Variants in PPP3R1 observed in about 807,000 individuals in gnomAD.
PPP3R1 encodes the protein calcineurin subunit B type 1.
In PPP3R1, 5 loss-of-function variants were observed where a neutral mutation model predicts 22.6. The ratio of observed to expected loss-of-function variants is 0.22; its 90% CI spans 0.12 to 0.46. The LOEUF (loss-of-function observed/expected upper bound fraction) is 0.46. Ranked by LOEUF, PPP3R1 falls within the 20% of genes least tolerant of loss-of-function variation. PPP3R1 has a pLI of 0.99. For missense variants in PPP3R1, 61 were observed against 203.2 expected (o/e 0.30, Z 4.25); for synonymous variants, 56 against 65.2 (o/e 0.86, Z 0.68).
intron 1 of PPP3R1, among the ~76,000 whole-genome samples, chr2:68,225,928 A>C (rs1390377891): frequency 1.3e-5 from 2 of 152,210 alleles, no homozygotes; most frequent in East Asian, 3.8e-4. Flanking sequence ...ACCAATCTGG[A>C]AACAACCTAA....
At chr2:68,242,184 T>C (rs1458530362) in intron 1 of PPP3R1, among the ~76,000 whole-genome samples, 1 of 151,872 alleles carries the variant, frequency 6.6e-6, no homozygotes, top group South Asian at 2.1e-4. Flanking sequence ...ATACCAGCAA[T>C]TTGGGAGGCT....
At chr2:68,212,889 G>A (rs780367619) in intron 2 of PPP3R1, among the ~76,000 whole-genome samples, 1 of 152,226 alleles carries the variant, frequency 6.6e-6, no homozygotes, top group Non-Finnish European at 1.5e-5. Flanking sequence ...TGCAGCTTCT[G>A]CATCAGCACT....
intron 2 of PPP3R1, 41 bp from the exon 3 acceptor site, chr2:68,188,731 T>A: frequency 6.6e-7 from 1 of 1,511,720 alleles, no homozygotes; most frequent in South Asian, 1.3e-5. Flanking sequence ...TTTTTAAAAA[T>A]GTTCCCAAAT....
intron 1 of PPP3R1, among the ~76,000 whole-genome samples, chr2:68,228,906 T>A (rs780597740): frequency 1.4e-4 from 21 of 152,306 alleles, no homozygotes; most frequent in Non-Finnish European, 2.6e-4. Flanking sequence ...CTTTCACTCA[T>A]AGATTATTTG....
intron 4 of PPP3R1, 115 bp from the exon 5 acceptor site, chr2:68,186,767 C>T: frequency 1.0e-6 from 1 of 988,686 alleles, no homozygotes; most frequent in East Asian, 2.6e-5. Flanking sequence ...ATGAGGATGT[C>T]TCCTTCCTTA....
At chr2:68,224,276 T>C (rs991499381) in intron 1 of PPP3R1, among the ~76,000 whole-genome samples, 1 of 152,298 alleles carries the variant, frequency 6.6e-6, no homozygotes, top group Admixed American at 6.5e-5. Context: ...AAACTAATTC[T>C]AAAATTCATA....
At chr2:68,235,352 C>T (rs1162212337) in intron 1 of PPP3R1, among the ~76,000 whole-genome samples, 1 of 152,190 alleles carries the variant, frequency 6.6e-6, no homozygotes, top group African/African-American at 2.4e-5. Context: ...CCTGTATCTA[C>T]TGGCAGTCAT....
chr2:68,232,735 T>C (rs551344469), intron 1 of PPP3R1, among the ~76,000 whole-genome samples: 1 of 152,042 alleles, frequency 6.6e-6, no homozygotes, highest in Non-Finnish European at 1.5e-5. Flanking sequence ...GCCTCTCGAG[T>C]AGCTGGGATT....
chr2:68,220,569 A>T (rs529516806), intron 1 of PPP3R1, among the ~76,000 whole-genome samples: 12 of 152,332 alleles, frequency 7.9e-5, no homozygotes, highest in South Asian at 2.1e-4. Flanking sequence ...CAAATCTCAG[A>T]TCAAATTTGG....
intron 2 of PPP3R1, among the ~76,000 whole-genome samples, chr2:68,193,783 T>C (rs980296317): frequency 2.0e-5 from 3 of 152,130 alleles, no homozygotes; most frequent in African/African-American, 7.2e-5. Context: ...CTAAAGCAGA[T>C]CAAACCCATC....
intron 2 of PPP3R1, among the ~76,000 whole-genome samples, chr2:68,199,821 C>A (rs976613127): frequency 6.6e-6 from 1 of 152,156 alleles, no homozygotes; most frequent in South Asian, 2.1e-4. Flanking sequence ...TTTTTACACA[C>A]CACCGAATTT....
At chr2:68,224,433 A>G (rs536134848) in intron 1 of PPP3R1, among the ~76,000 whole-genome samples, 7 of 152,138 alleles carry the variant, frequency 4.6e-5, no homozygotes, top group Admixed American at 4.6e-4. Flanking sequence ...GGCCGAGGCG[A>G]GTGGATCACT....
intron 1 of PPP3R1, among the ~76,000 whole-genome samples, chr2:68,220,763 G>A (rs1669673835): frequency 6.6e-6 from 1 of 152,060 alleles, no homozygotes; most frequent in African/African-American, 2.4e-5. Flanking sequence ...AAAACAAAAG[G>A]CCACATTTTA....
chr2:68,231,425 T>C (rs960197852), intron 1 of PPP3R1, among the ~76,000 whole-genome samples: 1 of 151,930 alleles, frequency 6.6e-6, no homozygotes. Context: ...AGCTTGTTCA[T>C]TTTTGAGAAA....
At chr2:68,242,458 G>C (rs576389659) in intron 1 of PPP3R1, among the ~76,000 whole-genome samples, 1 of 151,882 alleles carries the variant, frequency 6.6e-6, no homozygotes, top group East Asian at 1.9e-4. Flanking sequence ...AACAAGAAAT[G>C]TACGAACAGA....
At chr2:68,224,273 T>C (rs951990912) in intron 1 of PPP3R1, among the ~76,000 whole-genome samples, 2 of 152,194 alleles carry the variant, frequency 1.3e-5, no homozygotes, top group African/African-American at 2.4e-5. Flanking sequence ...AATAAACTAA[T>C]TCTAAAATTC....
chr2:68,220,245 G>A (rs1454628928), intron 1 of PPP3R1, among the ~76,000 whole-genome samples: 1 of 152,158 alleles, frequency 6.6e-6, no homozygotes, highest in Non-Finnish European at 1.5e-5. Context: ...AAGTTCGTAT[G>A]GCCAAGGAGG....
At chr2:68,181,912 T>TAGTATCTGTATCATTTGGGGGG (rs1674413522) in intron 5 of PPP3R1, among the ~76,000 whole-genome samples, 2 of 152,136 alleles carry the variant, frequency 1.3e-5, no homozygotes, top group South Asian at 4.2e-4. Flanking sequence ...TGTGTAAGTG[T>TAGTATCTGTATCATTTGGGGGG]AGTATCTGTA....
At chr2:68,188,378 A>G (rs1674590379) in intron 3 of PPP3R1, 136 bp downstream of exon 3, 2 of 606,302 alleles carry the variant, frequency 3.3e-6, no homozygotes, top group South Asian at 7.7e-5. Context: ...TATGCCACAG[A>G]CGCTGAGGTT....
Sources: gnomAD v4.1 joint callset for allele counts (sites outside exome capture counted in the v4.1 genomes callset) on GRCh38, gnomAD v4.1.1 for gene constraint, MANE v1.5 for transcripts, NCBI Gene and HGNC (gene_info 2026-07-23, HGNC 2026-07-21) for gene names.